Variants in THADA observed in about 807,000 individuals in gnomAD.
The protein encoded by THADA is tRNA (32-2'-O)-methyltransferase regulator THADA.
THADA carries 213 observed loss-of-function variants against 219.8 expected under a neutral mutation model. That is an observed-to-expected ratio of 0.97 (90% CI 0.87 to 1.09). The LOEUF is 1.09. Among genes scored for constraint, THADA ranks in the 50% least tolerant of loss-of-function variants. THADA has a pLI of 0.00. For missense variants in THADA, 2,956 were observed against 2,311.3 expected (o/e 1.28, Z -5.72); for synonymous variants, 1,018 against 828.9 (o/e 1.23, Z -3.92).
intron 26 of THADA, among the ~76,000 whole-genome samples, chr2:43,461,172 G>A (rs1326873873): frequency 6.6e-6 from 1 of 152,160 alleles, no homozygotes; most frequent in Non-Finnish European, 1.5e-5. Context: ...TGGCATAGGA[G>A]TAACATAATG....
At chr2:43,434,679 A>C (rs1457002265) in intron 26 of THADA, among the ~76,000 whole-genome samples, 1 of 152,234 alleles carries the variant, frequency 6.6e-6, no homozygotes, top group Non-Finnish European at 1.5e-5. Flanking sequence ...AATCCAGCGG[A>C]AAACCATCTC....
At chr2:43,589,804 C>T (rs1007198331) in intron 4 of THADA, among the ~76,000 whole-genome samples, 2 of 151,570 alleles carry the variant, frequency 1.3e-5, no homozygotes, top group Non-Finnish European at 2.9e-5. Context: ...CCAAGTACCA[C>T]CTGTTGCCCA....
intron 29 of THADA, among the ~76,000 whole-genome samples, chr2:43,345,054 G>C (rs925469458): frequency 7.9e-5 from 12 of 152,236 alleles, no homozygotes; most frequent in Non-Finnish European, 1.5e-4. Flanking sequence ...TAAATCAAGA[G>C]GAAGAGGTGG....
chr2:43,573,558 A>G (rs905996851), intron 11 of THADA, among the ~76,000 whole-genome samples: 50 of 152,336 alleles, frequency 3.3e-4, no homozygotes, highest in Non-Finnish European at 6.2e-4. Flanking sequence ...TGGCTTTTCA[A>G]AAACTCAAGA....
chr2:43,552,631 T>A (rs1386237841), intron 17 of THADA, among the ~76,000 whole-genome samples: 1 of 152,090 alleles, frequency 6.6e-6, no homozygotes, highest in East Asian at 1.9e-4. Flanking sequence ...CATGTGCTAA[T>A]TGGACAGCAG....
At position 43,574,374 on chromosome 2, in the gene THADA, A is replaced by G. The variant is rs1295284613; in HGVS notation, c.1691T>C (p.Met564Thr). The part of the protein sequence containing the change: ...LSYSPESLQY[M>T]VKILQTSIDA... The stretch of plus-strand genomic sequence containing the variant: ...AATAGAAGTCTGAAGAATCTTTACC[A>G]TGTACTGTAAGCTTTCAGGGCTGTA... The change falls in exon 11 of 38, where the codon ATG becomes ACG. Residue 564 changes from methionine (M) to threonine (T), a missense_variant. By Grantham distance (81) the Met-to-Thr change is moderately conservative (BLOSUM62 -1). Coordinates refer to ENST00000405975, the MANE Select transcript of THADA (RefSeq NM_022065.5). 1 of 1,603,632 alleles carries G rather than the reference A, an allele frequency of 6.2e-7. No homozygotes were observed. Among genetic ancestry groups the G allele is most frequent in the Admixed American group, 1.7e-5 (1 of 57,738 alleles).
chr2:43,368,250 G>A (rs1204818969), intron 29 of THADA, among the ~76,000 whole-genome samples: 1 of 152,150 alleles, frequency 6.6e-6, no homozygotes, highest in Non-Finnish European at 1.5e-5. Context: ...TCATCTATCA[G>A]TCATCTTAAG....
chr2:43,327,805 T>G (rs934384528), intron 30 of THADA, among the ~76,000 whole-genome samples: 1 of 152,152 alleles, frequency 6.6e-6, no homozygotes, highest in African/African-American at 2.4e-5. Context: ...CCTCTATTTC[T>G]AGAGGATTAC....
At chr2:43,248,524 G>A (rs1402266647) in intron 36 of THADA, among the ~76,000 whole-genome samples, 1 of 152,074 alleles carries the variant, frequency 6.6e-6, no homozygotes, top group African/African-American at 2.4e-5. Flanking sequence ...GAGCCACCAC[G>A]CTCGCTCAGT....
intron 36 of THADA, among the ~76,000 whole-genome samples, chr2:43,251,025 G>A (rs1669756529): frequency 6.6e-6 from 1 of 152,158 alleles, no homozygotes; most frequent in Admixed American, 6.5e-5. Context: ...CCTGTTTGCT[G>A]GGGTCTGGGC....
chr2:43,531,411 G>A (rs1380081639), intron 21 of THADA, among the ~76,000 whole-genome samples: 2 of 152,170 alleles, frequency 1.3e-5, no homozygotes, highest in Admixed American at 1.3e-4. Flanking sequence ...ACACAGACAA[G>A]GGTAAGTAAA....
chr2:43,479,511 A>G (rs1685929392), intron 26 of THADA, among the ~76,000 whole-genome samples: 1 of 152,160 alleles, frequency 6.6e-6, no homozygotes, highest in South Asian at 2.1e-4. Flanking sequence ...CTAGAGAAAG[A>G]GTTAAGTCTA....
chr2:43,347,587 A>T (rs922985035), intron 29 of THADA, among the ~76,000 whole-genome samples: 1 of 152,234 alleles, frequency 6.6e-6, no homozygotes. Context: ...CTGCTTCATT[A>T]ATTGTAACAA....
intron 15 of THADA, among the ~76,000 whole-genome samples, chr2:43,560,721 G>A (rs1324787947): frequency 2.0e-5 from 3 of 151,932 alleles, no homozygotes. Flanking sequence ...TCTTGACCTA[G>A]AATACAAAGT....
chr2:43,434,464 C>T (rs1371848836), intron 26 of THADA, among the ~76,000 whole-genome samples: 1 of 152,282 alleles, frequency 6.6e-6, no homozygotes, highest in South Asian at 2.1e-4. Flanking sequence ...CGCCATGCCC[C>T]CAACCTGTAC....
chr2:43,231,966 C>T (rs976443171), intron 37 of THADA, among the ~76,000 whole-genome samples: 3 of 152,092 alleles, frequency 2.0e-5, no homozygotes, highest in African/African-American at 7.2e-5. Flanking sequence ...TGTCTTTGTC[C>T]TCAGTTTCCC....
At chr2:43,499,950 T>C (rs1447311730) in intron 24 of THADA, among the ~76,000 whole-genome samples, 2 of 151,948 alleles carry the variant, frequency 1.3e-5, no homozygotes, top group African/African-American at 2.4e-5. Context: ...ACTTTTAAAA[T>C]AGCAAAAACA....
intron 29 of THADA, among the ~76,000 whole-genome samples, chr2:43,345,266 G>C (rs544212842): frequency 6.6e-6 from 1 of 152,292 alleles, no homozygotes; most frequent in East Asian, 1.9e-4. Flanking sequence ...GATACGGAAG[G>C]GGGTAATGAG....
rs374277708 is a variant in THADA, at chr2:43,296,722, T to C, written c.4439-3509A>G. Among the ~76,000 whole-genome samples the C allele has an allele frequency of 1.9e-4, 29 of 152,324 alleles. No individual in the cohort carries two copies. In the South Asian group the frequency reaches 5.4e-3, roughly 28 times the overall value. On this transcript the variant is annotated intron_variant, in intron 31 of 37. Coordinates refer to ENST00000405975, the MANE Select transcript of THADA (RefSeq NM_022065.5). ...ACAGTACTATCATCTCCAGGTACCA[T>C]TTCCCTATCCTTCCTACCCACTGCT...
Sources: gnomAD v4.1 joint callset for allele counts (sites outside exome capture counted in the v4.1 genomes callset) on GRCh38, gnomAD v4.1.1 for gene constraint, MANE v1.5 for transcripts, NCBI Gene and HGNC (gene_info 2026-07-23, HGNC 2026-07-21) for gene names.